Variants in NLGN1 observed in about 807,000 individuals in gnomAD.
The protein encoded by NLGN1 is neuroligin 1.
In NLGN1, 12 loss-of-function variants were observed where a neutral mutation model predicts 65.5. That is an observed-to-expected ratio of 0.18 (90% confidence interval 0.12 to 0.30). The LOEUF is 0.30. Among genes scored for constraint, NLGN1 ranks in the 10% least tolerant of loss-of-function variants. NLGN1 has a pLI of 1.00. For synonymous variants in NLGN1, 350 were observed against 359.5 expected, an observed-to-expected ratio of 0.97 and a Z score of 0.30; for missense variants, 750 against 1,007.1, an observed-to-expected ratio of 0.74 and a Z score of 3.46.
At chr3:174,034,996 G>GGAGT (rs1467973932) in intron 4 of NLGN1, among the ~76,000 whole-genome samples, 2 of 152,136 alleles carry the variant, frequency 1.3e-5, no homozygotes, top group Non-Finnish European at 2.9e-5. Flanking sequence ...AAGGAAAAGT[G>GGAGT]GAGTAGCTAT....
chr3:173,989,490 G>A (rs1436583623), intron 4 of NLGN1, among the ~76,000 whole-genome samples: 1 of 152,036 alleles, frequency 6.6e-6, no homozygotes, highest in Non-Finnish European at 1.5e-5. Context: ...CCTCCTTTAG[G>A]ATTAATATAT....
At chr3:173,767,679 G>A (rs1022025664) in intron 3 of NLGN1, among the ~76,000 whole-genome samples, 9 of 151,948 alleles carry the variant, frequency 5.9e-5, no homozygotes, top group African/African-American at 2.2e-4. Context: ...TACTGTATAA[G>A]TACAGGGAAC....
chr3:173,532,258 T>C (rs1027308432), intron 2 of NLGN1, among the ~76,000 whole-genome samples: 8 of 152,202 alleles, frequency 5.3e-5, no homozygotes, highest in Non-Finnish European at 1.2e-4. Context: ...AGATATTTGA[T>C]GCCATCTCTT....
chr3:174,108,128 T>C (rs904323115), intron 4 of NLGN1, among the ~76,000 whole-genome samples: 1 of 152,118 alleles, frequency 6.6e-6, no homozygotes, highest in African/African-American at 2.4e-5. Context: ...CACAGAGCAA[T>C]TTTTTAAAAT....
At chr3:173,402,680 C>A (rs1369252899) in intron 1 of NLGN1, among the ~76,000 whole-genome samples, 3 of 152,088 alleles carry the variant, frequency 2.0e-5, no homozygotes, top group African/African-American at 7.2e-5. Flanking sequence ...CTTCTCATAG[C>A]CCCACTCAAA....
chr3:173,714,325 A>G (rs1388335099), intron 3 of NLGN1, among the ~76,000 whole-genome samples: 1 of 152,132 alleles, frequency 6.6e-6, no homozygotes, highest in African/African-American at 2.4e-5. Flanking sequence ...GTCTACTGCA[A>G]AAGTCTTTGG....
intron 2 of NLGN1, among the ~76,000 whole-genome samples, chr3:173,481,245 TAAC>T (rs1385025895): frequency 6.6e-6 from 1 of 152,020 alleles, no homozygotes; most frequent in African/African-American, 2.4e-5. Flanking sequence ...TAATGTTTTA[TAAC>T]AACTAAACAA....
chr3:173,653,181 A>G (rs1031994732), intron 3 of NLGN1, among the ~76,000 whole-genome samples: 2 of 152,204 alleles, frequency 1.3e-5, no homozygotes, highest in African/African-American at 4.8e-5. Context: ...TCATATCATC[A>G]GTAAACAGAG....
At chr3:174,285,457 C>T (rs1344970237) in exon 7 of NLGN1, 1 of 151,422 alleles carries the variant, frequency 6.6e-6, no homozygotes, top group Non-Finnish European at 1.5e-5. Flanking sequence ...TCTTGTCAAG[C>T]TTTACTGTTA....
chr3:173,661,028 C>T (rs534298938), intron 3 of NLGN1, among the ~76,000 whole-genome samples: 4 of 152,004 alleles, frequency 2.6e-5, no homozygotes, highest in South Asian at 2.1e-4. Flanking sequence ...GAAAAGCAAA[C>T]GTGAATGAGT....
chr3:173,830,601 A>G (rs923579096), intron 4 of NLGN1, among the ~76,000 whole-genome samples: 2 of 152,190 alleles, frequency 1.3e-5, no homozygotes, highest in Non-Finnish European at 2.9e-5. Flanking sequence ...AGGAAATCCA[A>G]TCCATACAAT....
At chr3:174,017,958 C>T (rs1013734041) in intron 4 of NLGN1, among the ~76,000 whole-genome samples, 1 of 151,992 alleles carries the variant, frequency 6.6e-6, no homozygotes, top group African/African-American at 2.4e-5. Context: ...TTTCTTTGTC[C>T]TAATAGGCCT....
intron 1 of NLGN1, among the ~76,000 whole-genome samples, chr3:173,423,748 G>C (rs1245555669): frequency 2.0e-5 from 3 of 152,178 alleles, no homozygotes; most frequent in African/African-American, 4.8e-5. Context: ...GGTGTTGAGT[G>C]ACTGCAGCTT....
intron 2 of NLGN1, among the ~76,000 whole-genome samples, chr3:173,435,934 A>C (rs896578403): frequency 6.6e-6 from 1 of 152,238 alleles, no homozygotes; most frequent in African/African-American, 2.4e-5. Context: ...AGAATATTTT[A>C]AAGAAGAAAT....
At chr3:174,274,391 A>G (rs1750111155) in intron 4 of NLGN1, among the ~76,000 whole-genome samples, 1 of 151,880 alleles carries the variant, frequency 6.6e-6, no homozygotes, top group African/African-American at 2.4e-5. Context: ...TCCCTTCTAC[A>G]ACTTTCATAT....
intron 4 of NLGN1, among the ~76,000 whole-genome samples, chr3:174,112,884 T>A (rs572134319): frequency 6.6e-6 from 1 of 152,016 alleles, no homozygotes; most frequent in East Asian, 1.9e-4. Flanking sequence ...AATTCATGAG[T>A]ATGTGCTTGG....
chr3:174,283,795 A>G (rs1751816404), exon 7 of NLGN1: 1 of 151,464 alleles, frequency 6.6e-6, no homozygotes, highest in Non-Finnish European at 1.5e-5. Flanking sequence ...ATGCTTTTCA[A>G]CTGTGAACTG....
intron 2 of NLGN1, among the ~76,000 whole-genome samples, chr3:173,509,370 T>C (rs1001468703): frequency 6.6e-6 from 1 of 152,232 alleles, no homozygotes; most frequent in African/African-American, 2.4e-5. Flanking sequence ...AGATTTGTTT[T>C]TATTTTTTCA....
rs184012191 is a variant in NLGN1, at chr3:173,616,584, C to T, written c.493+11493C>T. On this transcript the variant is annotated intron_variant, in intron 3 of 6. Coordinates refer to ENST00000457714, the Ensembl canonical transcript of NLGN1. The stretch of plus-strand genomic sequence containing the variant: ...GGGAATCTATAGAAGCCAACCCTCC[C>T]GACATGAGGAGACCTTTCAGGGCTG... 9.2e-5 allele frequency among the ~76,000 whole-genome samples: 14 copies of T among 152,198 alleles called. No homozygotes were observed. In the South Asian group the frequency reaches 2.7e-3, roughly 29 times the overall value.
Sources: gnomAD v4.1 joint callset for allele counts (sites outside exome capture counted in the v4.1 genomes callset) on GRCh38, gnomAD v4.1.1 for gene constraint, MANE v1.5 for transcripts, NCBI Gene and HGNC (gene_info 2026-07-23, HGNC 2026-07-21) for gene names.